The following KAZN variants were observed in gnomAD, a reference collection of about 807,000 sequenced individuals.
The protein encoded by KAZN is kazrin.
In KAZN, 40 loss-of-function variants were observed where a neutral mutation model predicts 87.4. The ratio of observed to expected loss-of-function variants is 0.46; its 90% CI spans 0.36 to 0.60. KAZN has a LOEUF of 0.60. Among genes scored for constraint, KAZN ranks in the 20% least tolerant of loss-of-function variants. The pLI is 0.00. For synonymous variants in KAZN, 466 were observed against 458.3 expected (o/e 1.02, Z -0.22); for missense variants, 898 against 1,073.9 (o/e 0.84, Z 2.29).
chr1:14,112,629 A>G (rs1309515881), intron 1 of KAZN, among the ~76,000 whole-genome samples: 2 of 152,200 alleles, frequency 1.3e-5, no homozygotes, highest in Non-Finnish European at 1.5e-5. Context: ...GTTCCCTTAC[A>G]TGGAAAAAGG....
At chr1:13,967,551 A>G (rs1041284794) in intron 1 of KAZN, among the ~76,000 whole-genome samples, 1 of 152,142 alleles carries the variant, frequency 6.6e-6, no homozygotes, top group African/African-American at 2.4e-5. Flanking sequence ...TGCGTTCACC[A>G]CTGAGGACTG....
At chr1:14,500,940 T>C (rs912593380) in intron 2 of KAZN, among the ~76,000 whole-genome samples, 3 of 152,016 alleles carry the variant, frequency 2.0e-5, no homozygotes, top group Non-Finnish European at 4.4e-5. Flanking sequence ...GTAGAGAGAT[T>C]AATTTCTAGT....
intron 1 of KAZN, among the ~76,000 whole-genome samples, chr1:14,652,318 C>T (rs1638433635): frequency 2.6e-5 from 4 of 152,076 alleles, no homozygotes; most frequent in Admixed American, 2.6e-4. Context: ...ATTTCAGAGT[C>T]ATCATATTAT....
chr1:14,382,415 CCACT>C (rs1232349848), intron 2 of KAZN, among the ~76,000 whole-genome samples: 3 of 146,188 alleles, frequency 2.1e-5, no homozygotes, highest in Non-Finnish European at 4.5e-5. Flanking sequence ...TGCGCTGCAC[CCACT>C]AACTCGTCAT....
chr1:14,487,476 G>C (rs1669411088), intron 2 of KAZN, among the ~76,000 whole-genome samples: 1 of 152,132 alleles, frequency 6.6e-6, no homozygotes, highest in African/African-American at 2.4e-5. Flanking sequence ...TCACAGCCTG[G>C]TGTCCAGACA....
At chr1:14,032,349 A>G (rs1448778862) in intron 1 of KAZN, among the ~76,000 whole-genome samples, 1 of 152,222 alleles carries the variant, frequency 6.6e-6, no homozygotes, top group Non-Finnish European at 1.5e-5. Context: ...CTGAGGCATC[A>G]GAAGGTAGAA....
At chr1:14,569,320 CTTTT>C (rs35144232) in intron 2 of KAZN, among the ~76,000 whole-genome samples, 7 of 92,326 alleles carry the variant, frequency 7.6e-5, no homozygotes, top group Non-Finnish European at 1.4e-4. Flanking sequence ...ACTTCCTCTG[CTTTT>C]TTTTTTTTTT....
intron 2 of KAZN, among the ~76,000 whole-genome samples, chr1:15,029,073 G>T (rs1671434900): frequency 6.6e-6 from 1 of 152,256 alleles, no homozygotes; most frequent in Non-Finnish European, 1.5e-5. Context: ...TTTCCCAGTG[G>T]GCATCTGTGT....
intron 2 of KAZN, among the ~76,000 whole-genome samples, chr1:15,005,785 C>T (rs1055796149): frequency 1.5e-5 from 2 of 130,008 alleles, no homozygotes; most frequent in Non-Finnish European, 3.2e-5. Flanking sequence ...GATACAACTC[C>T]GTCTCCAAAA....
At chr1:14,925,496 G>A (rs767975320) in intron 1 of KAZN, among the ~76,000 whole-genome samples, 14 of 152,130 alleles carry the variant, frequency 9.2e-5, no homozygotes, top group Non-Finnish European at 2.1e-4. Context: ...CACAACCCTG[G>A]GAGTGAGGCT....
chr1:14,544,321 T>G lies in KAZN; in HGVS notation c.250-54662T>G, dbSNP rs183944906. On this transcript the variant is annotated intron_variant, in intron 2 of 16. Coordinates refer to the KAZN transcript ENST00000636203. ...CAAATTACCACTTTGAGATTTGGGG[T>G]TTTTTTTTTTCTTTTTCTTTCTTTC... Among the ~76,000 whole-genome samples the G allele has an allele frequency of 4.7e-3, 635 of 134,466 alleles. 2 individuals carry two copies. Among genetic ancestry groups the G allele is most frequent in the Non-Finnish European group, 6.7e-3 (414 of 61,738 alleles). The allele number at this position is 134,466 out of a possible 152,430, so 88.2% of individuals were successfully genotyped here.
chr1:14,721,299 G>A (rs980455780), intron 1 of KAZN, among the ~76,000 whole-genome samples: 1 of 152,142 alleles, frequency 6.6e-6, no homozygotes, highest in Non-Finnish European at 1.5e-5. Flanking sequence ...TTTATCAGAG[G>A]CTTTTCCCTA....
Position 14,779,559 on chromosome 1 carries a change from A to AATACTAAACAAATGAGATGTAGGT in KAZN, c.226+180337_226+180360dup, listed in dbSNP as rs551056957. Among the ~76,000 whole-genome samples the AATACTAAACAAATGAGATGTAGGT allele has an allele frequency of 3.3e-3, 507 of 152,322 alleles. 2 individuals carry two copies. Among genetic ancestry groups the AATACTAAACAAATGAGATGTAGGT allele is most frequent in the African/African-American group, 0.011 (474 of 41,574 alleles). On this transcript the variant is annotated intron_variant, in intron 1 of 14. Transcript: ENST00000376030. ...TGACATCGGCCCCTGACCTCGCAGA[A>AATACTAAACAAATGAGATGTAGGT]ATACTAAACAAATGAGATGTAGGTC...
At chr1:13,893,805 G>A (rs374822658) in intron 1 of KAZN, 3 of 1,542,600 alleles carry the variant, frequency 1.9e-6, no homozygotes, top group African/African-American at 2.8e-5. Context: ...GAAGTGGAGC[G>A]TTATCCCGGG....
intron 2 of KAZN, among the ~76,000 whole-genome samples, chr1:14,458,872 G>T (rs1667706431): frequency 6.6e-6 from 1 of 152,094 alleles, no homozygotes; most frequent in Admixed American, 6.5e-5. Flanking sequence ...AATATTTGTT[G>T]AATGAATGAG....
intron 8 of KAZN, among the ~76,000 whole-genome samples, chr1:15,089,387 C>T (rs1254024436): frequency 6.6e-6 from 1 of 151,926 alleles, no homozygotes; most frequent in Non-Finnish European, 1.5e-5. Context: ...CCAGCAGGGA[C>T]AGTGAATTTC....
intron 1 of KAZN, among the ~76,000 whole-genome samples, chr1:14,872,161 A>T (rs1459887814): frequency 6.6e-6 from 1 of 152,158 alleles, no homozygotes; most frequent in African/African-American, 2.4e-5. Context: ...AGAAGACTAG[A>T]TTTCAAGACT....
upstream of KAZN, among the ~76,000 whole-genome samples, chr1:14,596,290 G>A (rs569244746): frequency 7.0e-6 from 1 of 141,986 alleles, no homozygotes; most frequent in East Asian, 2.1e-4. Flanking sequence ...AGAGGTGTGA[G>A]TGCACGCACA....
At chr1:14,953,742 T>C (rs1365289631) in intron 1 of KAZN, among the ~76,000 whole-genome samples, 1 of 152,214 alleles carries the variant, frequency 6.6e-6, no homozygotes, top group East Asian at 1.9e-4. Flanking sequence ...CTTAGCAGTC[T>C]GAGAGGTCGC....
Sources: gnomAD v4.1 joint callset for allele counts (sites outside exome capture counted in the v4.1 genomes callset) on GRCh38, gnomAD v4.1.1 for gene constraint, MANE v1.5 for transcripts, NCBI Gene and HGNC (gene_info 2026-07-23, HGNC 2026-07-21) for gene names.